ALK: variants seen among roughly 807,000 people sequenced by gnomAD.
ALK encodes ALK receptor tyrosine kinase.
Under a neutral mutation model 163.1 loss-of-function variants are expected in ALK, and 74 were observed. That is an observed-to-expected ratio of 0.45 (90% CI 0.38 to 0.55). The LOEUF (loss-of-function observed/expected upper bound fraction) is 0.55. Among genes scored for constraint, ALK ranks in the 20% least tolerant of loss-of-function variants. The probability of loss-of-function intolerance (pLI) is 0.00; values close to 1 mark genes in which losing one functional copy is unlikely to be tolerated. For synonymous variants in ALK, 960 were observed against 843.2 expected (o/e 1.14, Z -2.40); for missense variants, 2,063 against 2,105.3 (o/e 0.98, Z 0.39).
chr2:29,819,994 T>C (rs552359787), intron 1 of ALK, among the ~76,000 whole-genome samples: 1 of 152,298 alleles, frequency 6.6e-6, no homozygotes, highest in Non-Finnish European at 1.5e-5. Context: ...TGGGGTGCCT[T>C]GGGTAACAGA....
At chr2:29,716,998 A>C (rs867605159) in intron 2 of ALK, among the ~76,000 whole-genome samples, 6,459 of 15,940 alleles carry the variant, frequency 0.41, 1,206 homozygotes, top group African/African-American at 0.58. Context: ...CAAAAATCCA[A>C]AAAAAAAAAA....
intron 1 of ALK, among the ~76,000 whole-genome samples, chr2:29,915,977 C>A (rs1422024901): frequency 6.6e-6 from 1 of 152,210 alleles, no homozygotes; most frequent in African/African-American, 2.4e-5. Flanking sequence ...GATGTATATG[C>A]AATTCTTTTC....
chr2:29,709,205 G>A (rs1192583547), intron 2 of ALK, among the ~76,000 whole-genome samples: 3 of 152,192 alleles, frequency 2.0e-5, no homozygotes, highest in South Asian at 2.1e-4. Flanking sequence ...CCTGCTCAAA[G>A]TAGTTAAAAT....
rs1573139504 is a variant in ALK, at chr2:29,232,369, A to G, written c.2567T>C (p.Phe856Ser). 1 of 1,614,244 alleles carries G rather than the reference A, an allele frequency of 6.2e-7. No individual in the cohort carries two copies. The highest frequency in any genetic ancestry group is 8.5e-7 in the Non-Finnish European group (1 of 1,180,054). ...GTTATTCTCCAGTCTCTCTGGGTGG[A>G]ACGTGTCTGTCTTGGCCCCGTAGGC... ...GRAYGAKTDT[F>S]HPERLENNSS... Residue 856 changes from phenylalanine (F) to serine (S), a missense_variant, in exon 15 of 29, where the codon TTC becomes TCC. Transcript: ENST00000389048.
Position 29,541,539 on chromosome 2 carries a change from C to T in ALK, c.953-9423G>A, listed in dbSNP as rs1307675059. 3.9e-5 allele frequency among the ~76,000 whole-genome samples: 6 copies of T among 152,184 alleles called. No homozygotes were observed. In the East Asian group the frequency reaches 1.2e-3, roughly 29 times the overall value. On this transcript the variant is annotated intron_variant, in intron 3 of 28. Coordinates refer to ENST00000389048, the MANE Select transcript of ALK (RefSeq NM_004304.5). ...CTCCTGACCTCAAGTGATCCACCTG[C>T]CTTAGCTTCCCAAAGTGCTGGGATT...
chr2:29,352,416 G>C (rs1269818923), intron 5 of ALK, among the ~76,000 whole-genome samples: 1 of 152,256 alleles, frequency 6.6e-6, no homozygotes, highest in Non-Finnish European at 1.5e-5. Context: ...GAAGTGCCCT[G>C]TGTAGGCCAC....
chr2:29,412,789 A>T (rs556666274), intron 4 of ALK, among the ~76,000 whole-genome samples: 1 of 152,342 alleles, frequency 6.6e-6, no homozygotes, highest in Admixed American at 6.5e-5. Flanking sequence ...TTTTTTCAAC[A>T]TTGCAAACAA....
At chr2:29,548,388 G>A (rs1357652512) in intron 3 of ALK, among the ~76,000 whole-genome samples, 1 of 151,770 alleles carries the variant, frequency 6.6e-6, no homozygotes, top group Non-Finnish European at 1.5e-5. Flanking sequence ...CAGGAGAATC[G>A]CTTGAACCCG....
intron 24 of ALK, 38 bp downstream of exon 24, chr2:29,213,946 G>A (rs993459690): frequency 1.2e-5 from 18 of 1,555,478 alleles, no homozygotes; most frequent in Non-Finnish European, 1.6e-5. Context: ...ACAGATCAGC[G>A]ACAGGATGAC....
intron 3 of ALK, among the ~76,000 whole-genome samples, chr2:29,677,755 A>C (rs547867202): frequency 6.6e-6 from 1 of 152,160 alleles, no homozygotes; most frequent in South Asian, 2.1e-4. Context: ...TCCTTGTCAC[A>C]TCTATTTTCC....
At chr2:29,460,272 T>C (rs955134285) in intron 4 of ALK, among the ~76,000 whole-genome samples, 1 of 152,220 alleles carries the variant, frequency 6.6e-6, no homozygotes, top group Admixed American at 6.5e-5. Flanking sequence ...AATAGCATTA[T>C]GCCATGCTGC....
chr2:29,781,920 C>T (rs1243784286), intron 1 of ALK, among the ~76,000 whole-genome samples: 2 of 152,134 alleles, frequency 1.3e-5, no homozygotes, highest in African/African-American at 2.4e-5. Flanking sequence ...CCACAGTGGT[C>T]GCCCCGACAG....
rs70958256 is a variant in ALK, at chr2:29,304,493, T to TAAA, written c.1648-7439_1648-7437dup. ...CTGGGCAATAGAGCAAGACTGTGTC[T>TAAA]AAAAAAAAAAAAAAAAAAGAAAAGA... is the stretch of plus-strand genomic sequence containing the variant. On this transcript the variant is annotated intron_variant, in intron 8 of 28. Coordinates refer to ENST00000389048, the MANE Select transcript of ALK (RefSeq NM_004304.5). 1.2e-3 allele frequency among the ~76,000 whole-genome samples: 148 copies of TAAA among 125,384 alleles called. 1 individual carries two copies. Among genetic ancestry groups the TAAA allele is most frequent in the East Asian group, 0.01 (44 of 4,336 alleles). 82.3% of individuals were successfully genotyped at this position (125,384 alleles called of 152,430 possible). A position where few individuals can be genotyped will look rare whatever the true frequency, so the allele number is the denominator to read the frequency against.
At chr2:29,851,859 G>C (rs963248582) in intron 1 of ALK, among the ~76,000 whole-genome samples, 6 of 152,216 alleles carry the variant, frequency 3.9e-5, no homozygotes, top group African/African-American at 1.4e-4. Context: ...GGAGAGGGTA[G>C]AGCAGGCATA....
chr2:29,648,396 G>A (rs1676946584), intron 3 of ALK, among the ~76,000 whole-genome samples: 1 of 151,924 alleles, frequency 6.6e-6, no homozygotes. Flanking sequence ...ATAGTTTGGT[G>A]GTATTAAGTA....
At chr2:29,237,154 C>A (rs1472942191) in intron 13 of ALK, among the ~76,000 whole-genome samples, 1 of 152,180 alleles carries the variant, frequency 6.6e-6, no homozygotes, top group Non-Finnish European at 1.5e-5. Context: ...TCAAATTACA[C>A]CCAGAATTCA....
intron 1 of ALK, among the ~76,000 whole-genome samples, chr2:29,727,500 C>A (rs1396789626): frequency 3.9e-5 from 6 of 152,222 alleles, no homozygotes; most frequent in East Asian, 1.9e-4. Flanking sequence ...GCTGCTTAAC[C>A]TTTTTCAAGC....
At position 29,257,242 on chromosome 2, in the gene ALK, GAA is replaced by G. The variant is rs35496629; in HGVS notation, c.2042-5977_2042-5976del. On this transcript the variant is annotated intron_variant, in intron 11 of 28. Coordinates refer to ENST00000389048, the MANE Select transcript of ALK (RefSeq NM_004304.5). ...ATTCTATTAATACTCATTTATGAAA[GAA>G]AAAAAAAAAGAACTGCCTTATCTCA... Among the ~76,000 whole-genome samples the G allele has an allele frequency of 8.2e-3, 1,241 of 150,438 alleles. 10 individuals are homozygous for G. The highest frequency in any genetic ancestry group is 8.1e-3 in the African/African-American group (332 of 40,948).
chr2:29,762,661 TACAGA>T (rs931531251), intron 1 of ALK, among the ~76,000 whole-genome samples: 10 of 152,324 alleles, frequency 6.6e-5, no homozygotes, highest in African/African-American at 2.4e-4. Flanking sequence ...GGCTCTGAAC[TACAGA>T]ACAGAAGAGG....
Sources: allele counts gnomAD v4.1 joint callset (sites outside exome capture counted in the v4.1 genomes callset), GRCh38; gene constraint gnomAD v4.1.1; transcripts MANE v1.5; gene names NCBI Gene and HGNC (gene_info 2026-07-23, HGNC 2026-07-21).